The following TPRG1 variants were observed in gnomAD, a reference collection of about 807,000 sequenced individuals.
TPRG1 encodes the protein tumor protein p63-regulated gene 1 protein.
TPRG1 carries 29 observed loss-of-function variants against 29.3 expected under a neutral mutation model. The ratio of observed to expected loss-of-function variants is 0.99; its 90% CI spans 0.74 to 1.35. TPRG1 has a LOEUF of 1.35. Ranked by LOEUF, TPRG1 falls within the 40% of genes most tolerant of loss-of-function variation. TPRG1 has a pLI of 0.00. For missense variants in TPRG1, 327 were observed against 335.0 expected (o/e 0.98, Z 0.19); for synonymous variants, 130 against 116.8 (o/e 1.11, Z -0.73).
At chr3:189,111,021 GT>G (rs1225493326) in intron 1 of TPRG1, among the ~76,000 whole-genome samples, 1 of 151,632 alleles carries the variant, frequency 6.6e-6, no homozygotes, top group Non-Finnish European at 1.5e-5. Flanking sequence ...TTCCAAATTT[GT>G]TTTTGCTTTG....
intron 4 of TPRG1, among the ~76,000 whole-genome samples, chr3:189,292,756 G>C (rs1478980022): frequency 6.6e-6 from 1 of 152,144 alleles, no homozygotes; most frequent in Non-Finnish European, 1.5e-5. Flanking sequence ...ATAAATCTCA[G>C]TTCTTTCCCA....
intron 4 of TPRG1, among the ~76,000 whole-genome samples, chr3:189,033,209 A>C (rs1445390474): frequency 6.6e-6 from 1 of 152,072 alleles, no homozygotes; most frequent in Non-Finnish European, 1.5e-5. Flanking sequence ...ACTAAAAGCC[A>C]GGTTCTCTAT....
chr3:189,137,119 A>ATCCAAGAC (rs1225797108), intron 3 of TPRG1, among the ~76,000 whole-genome samples: 2 of 152,212 alleles, frequency 1.3e-5, no homozygotes, highest in Non-Finnish European at 2.9e-5. Context: ...CCCATTCTGA[A>ATCCAAGAC]TCCAAGACTG....
chr3:189,024,445 T>C (rs1463237827), intron 4 of TPRG1, among the ~76,000 whole-genome samples: 2 of 152,168 alleles, frequency 1.3e-5, no homozygotes, highest in African/African-American at 2.4e-5. Flanking sequence ...ACTCTGTCTA[T>C]ATAATATAGG....
At chr3:189,215,979 C>A (rs1173666815) in intron 3 of TPRG1, among the ~76,000 whole-genome samples, 2 of 152,090 alleles carry the variant, frequency 1.3e-5, no homozygotes, top group South Asian at 2.1e-4. Flanking sequence ...GCTTTGCTTG[C>A]AAATACCACC....
At chr3:189,160,578 A>G (rs187203222) in intron 5 of TPRG1, among the ~76,000 whole-genome samples, 1 of 152,322 alleles carries the variant, frequency 6.6e-6, no homozygotes, top group Admixed American at 6.5e-5. Flanking sequence ...GAAAAGAGGG[A>G]TAGCGTTTCT....
intron 3 of TPRG1, among the ~76,000 whole-genome samples, chr3:189,018,970 G>T (rs886904835): frequency 2.6e-5 from 4 of 152,078 alleles, no homozygotes; most frequent in Non-Finnish European, 5.9e-5. Context: ...TGGATTCCTA[G>T]GTATTTGATT....
intron 4 of TPRG1, among the ~76,000 whole-genome samples, chr3:189,299,192 T>A (rs1452375414): frequency 2.6e-5 from 4 of 152,116 alleles, no homozygotes; most frequent in Non-Finnish European, 5.9e-5. Flanking sequence ...AGGCCAGTGA[T>A]TTGCCAAATG....
chr3:189,127,841 A>C (rs1264811003), intron 2 of TPRG1, among the ~76,000 whole-genome samples: 1 of 152,202 alleles, frequency 6.6e-6, no homozygotes, highest in Non-Finnish European at 1.5e-5. Flanking sequence ...CCTCAGACTC[A>C]GTTTCTCACT....
rs184701911 is a variant in TPRG1 at position 189,304,881 on chromosome 3, G to A, written c.480-5505G>A. Among the ~76,000 whole-genome samples, 10 of 152,136 alleles carry A rather than the reference G, an allele frequency of 6.6e-5. No individual in the cohort carries two copies. In the East Asian group the frequency reaches 1.7e-3, roughly 26 times the overall value. ...GTTGCTCTCTCCCCATCGCCCGCCCGCCTCCTCCCACTCACAGCCTCCCTC... is the reference window on the plus strand; with the variant it reads ...GTTGCTCTCTCCCCATCGCCCGCCCACCTCCTCCCACTCACAGCCTCCCTC... On this transcript the variant is annotated intron_variant, in intron 4 of 5. Transcript: ENST00000345063.
intron 4 of TPRG1, among the ~76,000 whole-genome samples, chr3:189,281,718 ACTAG>A (rs1231756243): frequency 6.6e-6 from 1 of 152,184 alleles, no homozygotes; most frequent in African/African-American, 2.4e-5. Context: ...AAGATTGAGC[ACTAG>A]TTGAGTTAGT....
chr3:189,114,142 G>T (rs2108493721), intron 1 of TPRG1, among the ~76,000 whole-genome samples: 1 of 152,188 alleles, frequency 6.6e-6, no homozygotes, highest in African/African-American at 2.4e-5. Context: ...TTTATTGTGG[G>T]GTGTTTTGAG....
intron 4 of TPRG1, among the ~76,000 whole-genome samples, chr3:189,292,148 A>G (rs1300401639): frequency 6.6e-6 from 1 of 152,198 alleles, no homozygotes; most frequent in Non-Finnish European, 1.5e-5. Flanking sequence ...ATAAGATGTA[A>G]TCTGTTTTAA....
At chr3:189,083,183 G>A (rs1329695238) in intron 4 of TPRG1, among the ~76,000 whole-genome samples, 1 of 152,198 alleles carries the variant, frequency 6.6e-6, no homozygotes, top group Admixed American at 6.5e-5. Flanking sequence ...GACCAAGGGT[G>A]ACACTGAGCT....
intron 3 of TPRG1, among the ~76,000 whole-genome samples, chr3:189,006,236 G>A (rs529303864): frequency 5.3e-4 from 81 of 152,174 alleles, no homozygotes; most frequent in African/African-American, 2.0e-3. Context: ...CTTAATGTTT[G>A]TTGAGCCTCA....
At chr3:189,073,215 C>G (rs1716912568) in intron 4 of TPRG1, among the ~76,000 whole-genome samples, 1 of 152,190 alleles carries the variant, frequency 6.6e-6, no homozygotes, top group Non-Finnish European at 1.5e-5. Context: ...TTCTATTTCT[C>G]TGAATGCATC....
In TPRG1 at chr3:189,235,426, A is replaced by G. The variant is rs184381121; in HGVS notation, c.303-3307A>G. Among the ~76,000 whole-genome samples the G allele has an allele frequency of 1.1e-3, 172 of 152,064 alleles. No individual in the cohort carries two copies. The Middle Eastern group carries it at 0.017, about 15-fold the overall frequency. ...ATGGAGAGAGGTGGGTGGTGTTGAC[A>G]TCTTTATCTTAGGAGTAAAATTTGT... is the stretch of plus-strand genomic sequence containing the variant. On this transcript the variant is annotated intron_variant, in intron 3 of 5. Coordinates refer to ENST00000345063, the MANE Select transcript of TPRG1 (RefSeq NM_198485.4).
chr3:189,317,939 A>G (rs184816468), intron 5 of TPRG1, among the ~76,000 whole-genome samples: 18 of 152,286 alleles, frequency 1.2e-4, no homozygotes, highest in Admixed American at 5.2e-4. Flanking sequence ...TTGTGCAAGG[A>G]AAAAGGAGCT....
chr3:189,059,345 C>A (rs1715937971), intron 4 of TPRG1, among the ~76,000 whole-genome samples: 2 of 152,124 alleles, frequency 1.3e-5, no homozygotes, highest in African/African-American at 2.4e-5. Flanking sequence ...GTAATCCCAG[C>A]ACTTTGGGAG....
Sources: gnomAD v4.1 joint callset for allele counts (sites outside exome capture counted in the v4.1 genomes callset) on GRCh38, gnomAD v4.1.1 for gene constraint, MANE v1.5 for transcripts, NCBI Gene and HGNC (gene_info 2026-07-23, HGNC 2026-07-21) for gene names.